Variants in AGBL1 observed in about 807,000 individuals in gnomAD.
AGBL1 encodes the protein AGBL carboxypeptidase 1, also known as cytosolic carboxypeptidase 4.
In AGBL1, 130 loss-of-function variants were observed where a neutral mutation model predicts 118.9. That is an observed-to-expected ratio of 1.09 (90% CI 0.95 to 1.26). AGBL1 has a LOEUF of 1.26. AGBL1 is among the 50% of genes most tolerant of loss of function. The pLI, the probability that AGBL1 is intolerant of heterozygous loss-of-function variation, is 0.00. For synonymous variants in AGBL1, 555 were observed against 478.9 expected, an observed-to-expected ratio of 1.16 and a Z score of -2.08; for missense variants, 1,584 against 1,298.1, an observed-to-expected ratio of 1.22 and a Z score of -3.38.
chr15:86,503,401 T>C (rs2082939146), intron 18 of AGBL1, among the ~76,000 whole-genome samples: 2 of 151,326 alleles, frequency 1.3e-5, no homozygotes, highest in Admixed American at 6.6e-5. Context: ...CCTTGACTTT[T>C]CTATTGTTTT....
intron 18 of AGBL1, among the ~76,000 whole-genome samples, chr15:86,397,953 A>T (rs1050776768): frequency 6.6e-6 from 1 of 152,170 alleles, no homozygotes; most frequent in Non-Finnish European, 1.5e-5. Flanking sequence ...GACTTGTCCA[A>T]ATCACATGGT....
intron 21 of AGBL1, among the ~76,000 whole-genome samples, chr15:86,584,908 A>C (rs925319265): frequency 1.3e-5 from 2 of 152,118 alleles, no homozygotes; most frequent in Non-Finnish European, 2.9e-5. Context: ...TTCCTTGATT[A>C]GATCTATTCC....
intron 18 of AGBL1, among the ~76,000 whole-genome samples, chr15:86,456,426 C>A (rs1386776056): frequency 6.6e-6 from 1 of 152,116 alleles, no homozygotes; most frequent in African/African-American, 2.4e-5. Context: ...GGGCTTATGG[C>A]CAGAAAGTCA....
intron 21 of AGBL1, among the ~76,000 whole-genome samples, chr15:86,648,126 GT>G (rs1368142123): frequency 2.0e-5 from 3 of 152,194 alleles, no homozygotes; most frequent in African/African-American, 7.2e-5. Flanking sequence ...GAAATGAGAA[GT>G]TAGTGGCATA....
intron 22 of AGBL1, among the ~76,000 whole-genome samples, chr15:86,878,823 C>G (rs1396643620): frequency 6.6e-6 from 1 of 152,242 alleles, no homozygotes; most frequent in Non-Finnish European, 1.5e-5. Flanking sequence ...CCCATAACCT[C>G]CACAGCAGCT....
At chr15:86,775,325 C>A (rs1008204249) in intron 22 of AGBL1, among the ~76,000 whole-genome samples, 2 of 152,066 alleles carry the variant, frequency 1.3e-5, no homozygotes, top group African/African-American at 4.8e-5. Context: ...GACACTATGA[C>A]TGAATATATG....
chr15:86,303,858 C>T (rs1048967713), intron 17 of AGBL1, among the ~76,000 whole-genome samples: 1 of 152,026 alleles, frequency 6.6e-6, no homozygotes, highest in Non-Finnish European at 1.5e-5. Flanking sequence ...TCACAACAGC[C>T]CTGTGAGGTA....
chr15:86,240,368 A>C (rs950580382), intron 6 of AGBL1, among the ~76,000 whole-genome samples: 1 of 152,174 alleles, frequency 6.6e-6, no homozygotes, highest in African/African-American at 2.4e-5. Flanking sequence ...TTCTAAATAG[A>C]CTCCCTGAAA....
At chr15:86,399,915 T>A (rs907335196) in intron 18 of AGBL1, among the ~76,000 whole-genome samples, 2 of 152,192 alleles carry the variant, frequency 1.3e-5, no homozygotes, top group African/African-American at 4.8e-5. Context: ...ACTTTGTAGA[T>A]CACTTGGATT....
At chr15:86,530,948 G>A (rs369032341) in intron 19 of AGBL1, among the ~76,000 whole-genome samples, 2 of 67,000 alleles carry the variant, frequency 3.0e-5, no homozygotes, top group Non-Finnish European at 5.1e-5. Flanking sequence ...TCTCTGGGAC[G>A]CATTCAAAGC....
chr15:86,743,861 A>C (rs1031410), intron 22 of AGBL1, among the ~76,000 whole-genome samples: 62,382 of 150,532 alleles, frequency 0.41, 12,932 homozygotes, highest in East Asian at 0.48. Context: ...CTGATCACAC[A>C]CCCCCATCCC....
At chr15:86,759,512 A>G (rs1401502411) in intron 22 of AGBL1, among the ~76,000 whole-genome samples, 1 of 152,138 alleles carries the variant, frequency 6.6e-6, no homozygotes, top group Non-Finnish European at 1.5e-5. Context: ...TTATATAATT[A>G]AGAGATTAAT....
chr15:86,340,302 C>CA (rs1006866452), intron 17 of AGBL1, among the ~76,000 whole-genome samples: 9 of 151,908 alleles, frequency 5.9e-5, no homozygotes, highest in African/African-American at 1.9e-4. Context: ...CTGCCCCCCC[C>CA]CCATTCATGT....
At chr15:86,443,598 C>T (rs763831048) in intron 18 of AGBL1, among the ~76,000 whole-genome samples, 12 of 152,116 alleles carry the variant, frequency 7.9e-5, no homozygotes, top group Non-Finnish European at 1.5e-5. Flanking sequence ...CTCACCATTC[C>T]CCCTTTGCCC....
intron 18 of AGBL1, among the ~76,000 whole-genome samples, chr15:86,517,169 T>C (rs1258056350): frequency 1.3e-5 from 2 of 152,216 alleles, no homozygotes; most frequent in Non-Finnish European, 2.9e-5. Flanking sequence ...ATGCTAAAAG[T>C]CCTAAATATG....
intron 1 of AGBL1, among the ~76,000 whole-genome samples, chr15:86,111,520 T>C (rs1041334936): frequency 1.4e-4 from 22 of 152,202 alleles, no homozygotes; most frequent in African/African-American, 5.1e-4. Context: ...AAGGAACAAC[T>C]GTTGTTGAAG....
chr15:86,659,209 A>G (rs973962593), intron 21 of AGBL1, among the ~76,000 whole-genome samples: 4 of 152,116 alleles, frequency 2.6e-5, no homozygotes, highest in African/African-American at 9.7e-5. Context: ...CTGGCCTTGA[A>G]TCTCCACTGA....
Position 86,533,603 on chromosome 15 carries a change from C to T in AGBL1, c.2685+10664C>T, listed in dbSNP as rs796826007. The stretch of plus-strand genomic sequence containing the variant: ...GAAATACCATTGGACCCAGCCATCC[C>T]ATTACTGGGTATATACCCAAATGAC... On this transcript the variant is annotated intron_variant, in intron 19 of 22. Coordinates refer to ENST00000614907, the MANE Select transcript of AGBL1 (RefSeq NM_001386094.1). Among the ~76,000 whole-genome samples the T allele has an allele frequency of 4.0e-3, 559 of 139,102 alleles. 2 individuals are homozygous for T. The highest frequency in any genetic ancestry group is 1.0e-2 in the South Asian group (41 of 4,106). 91.3% of individuals were successfully genotyped at this position (139,102 alleles called of 152,430 possible).
intron 22 of AGBL1, among the ~76,000 whole-genome samples, chr15:86,867,671 T>C (rs578231669): frequency 1.3e-5 from 2 of 152,276 alleles, no homozygotes; most frequent in East Asian, 1.9e-4. Context: ...CTTATAGTGC[T>C]AGATATTTTA....
Sources: gnomAD v4.1 joint callset for allele counts (sites outside exome capture counted in the v4.1 genomes callset) on GRCh38, gnomAD v4.1.1 for gene constraint, MANE v1.5 for transcripts, NCBI Gene and HGNC (gene_info 2026-07-23, HGNC 2026-07-21) for gene names.